The following RTL1 variants were observed in gnomAD, a reference collection of about 807,000 sequenced individuals.
RTL1 encodes the protein retrotransposon Gag like 1.
For synonymous variants in RTL1, 727 were observed against 748.4 expected, an observed-to-expected ratio of 0.97 and a Z score of 0.47; for missense variants, 1,681 against 1,767.5, an observed-to-expected ratio of 0.95 and a Z score of 0.88.
intron 2 of RTL1, chr14:100,895,065 C>T (rs556855251): frequency 6.6e-6 from 1 of 152,378 alleles, no homozygotes; most frequent in Admixed American, 6.5e-5. Context: ...TCTCTCCCAC[C>T]TAACAGCCCC....
chr14:100,886,897 C>T (rs1595337754), intron 3 of RTL1, among the ~76,000 whole-genome samples: 1 of 152,188 alleles, frequency 6.6e-6, no homozygotes, highest in Non-Finnish European at 1.5e-5. Flanking sequence ...AAAGTCTACA[C>T]TGCTTAACAT....
At chr14:100,888,265 C>T (rs2038720825) in intron 3 of RTL1, among the ~76,000 whole-genome samples, 2 of 152,140 alleles carry the variant, frequency 1.3e-5, no homozygotes, top group African/African-American at 4.8e-5. Context: ...CATAGAGATC[C>T]TGTCTTATAG....
chr14:100,882,257 G>C lies in RTL1; in HGVS notation c.2532C>G (p.Tyr844Ter). Residue 844 changes from tyrosine to a stop codon, truncating the protein, a stop_gained, in exon 4 of 4, where the codon TAC (tyrosine) becomes TAG (stop). Coordinates refer to ENST00000649591, the MANE Select transcript of RTL1 (RefSeq NM_001134888.3). LOFTEE classifies it low-confidence loss of function (END_TRUNC). ...AGGCCTCTTGCTCCTCGACTCCCCAGTAGAACTGGTAGGAGCTCAGCAGCT... is the reference window on the plus strand; with the variant it reads ...AGGCCTCTTGCTCCTCGACTCCCCACTAGAACTGGTAGGAGCTCAGCAGCT... ...VRQLLSSYQF[Y>*]WGVEEQEAFE... The C allele has an allele frequency of 1.9e-6, 3 of 1,551,532 alleles. No homozygotes were observed. The highest frequency in any genetic ancestry group is 1.7e-6 in the Non-Finnish European group (2 of 1,147,018).
At chr14:100,900,447 T>C (rs2038926254) in intron 2 of RTL1, among the ~76,000 whole-genome samples, 1 of 152,216 alleles carries the variant, frequency 6.6e-6, no homozygotes, top group African/African-American at 2.4e-5. Context: ...GTGAGCCTGG[T>C]CAGGCACATG....
At chr14:100,901,771 C>G (rs1056705033) in intron 2 of RTL1, among the ~76,000 whole-genome samples, 1 of 152,170 alleles carries the variant, frequency 6.6e-6, no homozygotes, top group Admixed American at 6.5e-5. Context: ...GGCAGCAGGA[C>G]AGTCCCCACC....
rs985520300 is a variant in RTL1, at chr14:100,882,315, C to T, written c.2474G>A (p.Arg825His). 14 of 1,551,574 alleles carry T rather than the reference C, an allele frequency of 9.0e-6. No homozygotes were observed. The highest frequency in any genetic ancestry group is 2.4e-5 in the East Asian group (1 of 40,936). ...FVFPYRHFVE[R>H]FSIIAEPLVR... ...CAGGGGCTCTGCGATGATGCTGAAG[C>T]GCTCCACGAAGTGGCGGTAGGGGAA... The change falls in exon 4 of 4, where the codon CGC becomes CAC. Residue 825 changes from arginine to histidine, a missense_variant. Transcript: ENST00000649591.
intron 3 of RTL1, among the ~76,000 whole-genome samples, chr14:100,891,739 C>G (rs1463489133): frequency 6.6e-6 from 1 of 152,224 alleles, no homozygotes; most frequent in Admixed American, 6.5e-5. Flanking sequence ...TGAGGCTGAT[C>G]TTGCCTTTCA....
In RTL1 at chr14:100,897,033, G is replaced by A. The variant is rs532695293; in HGVS notation, c.-148-3528C>T. ...CCCCCGTGGGTGCTGGACAGCTTGG[G>A]AGGGATTTGGGGCTGTGGGTGGTGA... On this transcript the variant is annotated intron_variant, in intron 2 of 3. Coordinates refer to ENST00000649591, the MANE Select transcript of RTL1 (RefSeq NM_001134888.3). Among the ~76,000 whole-genome samples, 726 of 152,332 alleles carry A rather than the reference G, an allele frequency of 4.8e-3. 4 individuals are homozygous for A. The highest frequency in any genetic ancestry group is 5.8e-3 in the Non-Finnish European group (395 of 68,040).
chr14:100,890,385 A>ATTTT (rs2038756534), intron 3 of RTL1, among the ~76,000 whole-genome samples: 2 of 141,028 alleles, frequency 1.4e-5, no homozygotes, highest in Non-Finnish European at 3.0e-5. Context: ...AGGAAATCTG[A>ATTTT]TTTTAAAAAT....
intron 2 of RTL1, chr14:100,897,621 G>A (rs1435710627): frequency 6.5e-6 from 1 of 154,790 alleles, no homozygotes; most frequent in Non-Finnish European, 1.4e-5. Flanking sequence ...TCAAGAGTCT[G>A]CTTAGAGATA....
intron 3 of RTL1, among the ~76,000 whole-genome samples, chr14:100,888,622 A>G (rs74532816): frequency 0.02 from 3,032 of 152,338 alleles, 46 homozygotes; most frequent in Non-Finnish European, 0.032. Flanking sequence ...AAAAGTCAAA[A>G]TTCTTAGCAT....
intron 2 of RTL1, among the ~76,000 whole-genome samples, chr14:100,897,385 A>G (rs961436696): frequency 6.6e-6 from 1 of 152,166 alleles, no homozygotes; most frequent in Non-Finnish European, 1.5e-5. Context: ...AGTAAAAATC[A>G]AACACTGCAG....
chr14:100,900,242 A>G (rs1248117289), intron 2 of RTL1, among the ~76,000 whole-genome samples: 1 of 152,164 alleles, frequency 6.6e-6, no homozygotes, highest in Non-Finnish European at 1.5e-5. Context: ...TTCTGGCCAA[A>G]CCTGACTTCT....
At position 100,890,203 on chromosome 14, in the gene RTL1, CCT is replaced by C. The variant is rs1363220730; in HGVS notation, c.-87+3239_-87+3240del. ...AGAGACAGACGCCCCAGCCTCACCA[CCT>C]TCAGTGCCCAGAGCCTCTGTCGGGT... On this transcript the variant is annotated intron_variant, in intron 3 of 3. Transcript: ENST00000649591. Among the ~76,000 whole-genome samples the C allele has an allele frequency of 1.8e-4, 28 of 151,972 alleles. 1 individual carries two copies. The highest frequency in any genetic ancestry group is 1.8e-3 in the Admixed American group (28 of 15,254).
rs773904752 is a variant in RTL1 at position 100,883,203 on chromosome 14, T to C, written c.1586A>G (p.Tyr529Cys). ...IKGRCTFHSP[Y>C]CLKNCFRPPP... Reference sequence around the variant, plus strand: ...CGGGCGGAAGCAGTTCTTCAGGCAGTAGGGAGAGTGGAAGGTGCAGCGGCC... The same window carrying C: ...CGGGCGGAAGCAGTTCTTCAGGCAGCAGGGAGAGTGGAAGGTGCAGCGGCC... The change falls in exon 4 of 4, where the codon TAC becomes TGC. Residue 529 changes from tyrosine to cysteine, a missense_variant. Transcript: ENST00000649591. This position sits in a 1 kb window ranked among gnomAD's most constrained non-coding sequence, Gnocchi z 5.9. 1 of 1,558,626 alleles carries C rather than the reference T, an allele frequency of 6.4e-7. No homozygotes were observed. Among genetic ancestry groups the C allele is most frequent in the South Asian group, 1.2e-5 (1 of 85,374 alleles).
At chr14:100,889,229 C>T in intron 3 of RTL1, among the ~76,000 whole-genome samples, 1 of 152,194 alleles carries the variant, frequency 6.6e-6, no homozygotes, top group East Asian at 1.9e-4. Flanking sequence ...GTTTTCATCA[C>T]TACAAAAAGC....
intron 3 of RTL1, among the ~76,000 whole-genome samples, chr14:100,890,475 G>A (rs1338131037): frequency 6.6e-6 from 1 of 151,556 alleles, no homozygotes; most frequent in Non-Finnish European, 1.5e-5. Context: ...GGGAATTAGG[G>A]GAGAGGTGAG....
Position 100,882,305 on chromosome 14 carries a change from G to C in RTL1, c.2484C>G (p.Ile828Met). 1 of 1,551,714 alleles carries C rather than the reference G, an allele frequency of 6.4e-7. No homozygotes were observed. The highest frequency in any genetic ancestry group is 1.2e-5 in the South Asian group (1 of 84,062). ...PYRHFVERFSIIAEPLVRQLL... is the reference protein window; with the variant it reads ...PYRHFVERFSMIAEPLVRQLL... ...GCTGCCGCACCAGGGGCTCTGCGAT[G>C]ATGCTGAAGCGCTCCACGAAGTGGC... The change falls in exon 4 of 4, where the codon ATC becomes ATG. Residue 828 changes from isoleucine (I) to methionine (M), a missense_variant. Ile to Met is a conservative substitution (Grantham distance 10, BLOSUM62 1). Transcript: ENST00000649591.
At position 100,882,021 on chromosome 14, in the gene RTL1, T is replaced by C; in HGVS notation, c.2768A>G (p.Lys923Arg). ...GAAGGCAGCCCGTATTGGAAGAATC[T>C]TCATCTCCGCTTGAGAGTACTCAAC... ...IEVEYSQAEM[K>R]ILPIRAAFMV... is the part of the protein sequence containing the mutation. Residue 923 changes from lysine (K) to arginine (R), a missense_variant, in exon 4 of 4, where the codon AAG becomes AGG. Coordinates refer to ENST00000649591, the MANE Select transcript of RTL1 (RefSeq NM_001134888.3). The C allele has an allele frequency of 1.2e-6, 2 of 1,613,640 alleles. No homozygotes were observed. The highest frequency in any genetic ancestry group is 8.5e-7 in the Non-Finnish European group (1 of 1,179,812).
Sources: gnomAD v4.1 joint callset for allele counts (sites outside exome capture counted in the v4.1 genomes callset) on GRCh38, gnomAD v4.1.1 for gene constraint, Gnocchi (gnomAD v3.1) non-coding constraint, MANE v1.5 for transcripts, NCBI Gene and HGNC (gene_info 2026-07-23, HGNC 2026-07-21) for gene names.